COBLL1: variants seen among roughly 807,000 people sequenced by gnomAD.
The protein encoded by COBLL1 is cordon-bleu WH2 repeat protein like 1.
Under a neutral mutation model 94.8 loss-of-function variants are expected in COBLL1, and 50 were observed. That is an observed-to-expected ratio of 0.53 (90% CI 0.42 to 0.67). The LOEUF is 0.67. Among genes scored for constraint, COBLL1 ranks in the 30% least tolerant of loss-of-function variants. The pLI is 0.00. For synonymous variants in COBLL1, 448 were observed against 473.8 expected (o/e 0.95, Z 0.71); for missense variants, 1,362 against 1,348.7 (o/e 1.01, Z -0.15).
In COBLL1 at chr2:164,667,727, G is replaced by C. The variant is rs143637342; in HGVS notation, n.127-1826C>G. On this transcript the variant is annotated intron_variant and non_coding_transcript_variant, in intron 1 of 2. Transcript: ENST00000495084. The stretch of plus-strand genomic sequence containing the variant: ...CAGCCTTCATAGAATTGACGAGAGA[G>C]TTAGGATGTTGCTCTGGATTAGGTT... Among the ~76,000 whole-genome samples the C allele has an allele frequency of 8.5e-5, 13 of 152,318 alleles. No homozygotes were observed. The East Asian group carries it at 2.5e-3, about 29-fold the overall frequency.
intron 3 of COBLL1, among the ~76,000 whole-genome samples, chr2:164,738,603 C>G (rs1558968951): frequency 6.6e-6 from 1 of 152,196 alleles, no homozygotes; most frequent in Non-Finnish European, 1.5e-5. Flanking sequence ...AGGCAAGGAA[C>G]TGCTTTGACT....
chr2:164,736,981 A>C (rs1308828627), intron 3 of COBLL1, among the ~76,000 whole-genome samples: 2 of 152,118 alleles, frequency 1.3e-5, no homozygotes. Flanking sequence ...TAACTATTGC[A>C]CTTGTAATCA....
downstream of COBLL1, among the ~76,000 whole-genome samples, chr2:164,676,680 T>C (rs991548725): frequency 2.0e-5 from 3 of 151,302 alleles, no homozygotes; most frequent in Non-Finnish European, 3.0e-5. Context: ...AACTCTGCTT[T>C]TTTTTTTTCC....
In COBLL1 at chr2:164,682,737, T is replaced by G. The variant is rs1401048512; in HGVS notation, c.*3209A>C. The stretch of plus-strand genomic sequence containing the variant: ...TAAGGTTCATTTTTATTCATATTAA[T>G]TCATTTTTCAGAAGAGAAAATGAAG... On this transcript the variant is annotated 3_prime_UTR_variant, in exon 14 of 14. Coordinates refer to ENST00000652658, the MANE Select transcript of COBLL1 (RefSeq NM_001365672.2). The G allele has an allele frequency of 6.6e-6, 1 of 152,156 alleles. No individual in the cohort carries two copies. The highest frequency in any genetic ancestry group is 2.4e-5 in the African/African-American group (1 of 41,448). The allele number at this position is 152,156 out of a possible 1,614,324, so 9.4% of individuals were successfully genotyped here.
At chr2:164,828,722 G>A (rs1470244060) in intron 2 of COBLL1, among the ~76,000 whole-genome samples, 1 of 152,076 alleles carries the variant, frequency 6.6e-6, no homozygotes, top group Non-Finnish European at 1.5e-5. Context: ...CATTTTAACG[G>A]AATTAATTTA....
At chr2:164,758,217 A>C (rs1687503539) in intron 2 of COBLL1, among the ~76,000 whole-genome samples, 1 of 151,978 alleles carries the variant, frequency 6.6e-6, no homozygotes. Flanking sequence ...AGATACCAAT[A>C]ACTTAAAAAT....
chr2:164,821,472 T>A (rs1160847638), intron 2 of COBLL1, among the ~76,000 whole-genome samples: 1 of 152,212 alleles, frequency 6.6e-6, no homozygotes, highest in East Asian at 1.9e-4. Context: ...GTGGAAATTA[T>A]GTGATTACTG....
intron 3 of COBLL1, among the ~76,000 whole-genome samples, chr2:164,734,648 T>C (rs1208274113): frequency 2.6e-5 from 4 of 151,992 alleles, no homozygotes; most frequent in African/African-American, 9.7e-5. Flanking sequence ...CTAGATACAT[T>C]TTGTAGGGAG....
chr2:164,662,134 A>G (rs1357846389), intron 2 of COBLL1, among the ~76,000 whole-genome samples: 1 of 152,220 alleles, frequency 6.6e-6, no homozygotes, highest in Non-Finnish European at 1.5e-5. Context: ...GAAAAGTTAG[A>G]TGGAGCCAGA....
chr2:164,772,775 TACCAGACATCTA>T (rs1559000455), intron 2 of COBLL1, among the ~76,000 whole-genome samples: 7 of 152,130 alleles, frequency 4.6e-5, no homozygotes, highest in African/African-American at 1.7e-4. Flanking sequence ...TATTACATAA[TACCAGACATCTA>T]TTTAAGGGAT....
rs1447563276 is a variant in COBLL1 at position 164,729,995 on chromosome 2, T to C, written c.351A>G (p.Pro117=). ...QNHIKFKPNT[P]IGMLEVEKVI... The stretch of plus-strand genomic sequence containing the variant: ...CCTTCTCTACCTCCAACATTCCTAT[T>C]GGTGTGTTTGGCTTAAATTTAATGT... Residue 117 remains proline, a synonymous_variant, in exon 4 of 14, where the codon CCA becomes CCG. Coordinates refer to ENST00000652658, the MANE Select transcript of COBLL1 (RefSeq NM_001365672.2). 1 of 1,614,068 alleles carries C rather than the reference T, an allele frequency of 6.2e-7. No individual in the cohort carries two copies. Among genetic ancestry groups the C allele is most frequent in the Admixed American group, 1.7e-5 (1 of 60,024 alleles).
At chr2:164,837,326 A>G (rs1683361856) in intron 2 of COBLL1, 1 of 316,580 alleles carries the variant, frequency 3.2e-6, no homozygotes, top group Admixed American at 4.6e-5. Flanking sequence ...GTCAGCAATC[A>G]TGTTGCTTTT....
At chr2:164,820,958 T>G (rs1848546) in intron 2 of COBLL1, among the ~76,000 whole-genome samples, 76,485 of 152,000 alleles carry the variant, frequency 0.5, 20,537 homozygotes, top group African/African-American at 0.68. Flanking sequence ...CGTGATCTTG[T>G]CTCAATGCAA....
At chr2:164,760,478 T>C (rs1284653703) in intron 2 of COBLL1, among the ~76,000 whole-genome samples, 2 of 151,844 alleles carry the variant, frequency 1.3e-5, no homozygotes, top group Non-Finnish European at 2.9e-5. Context: ...TGCAGTTACA[T>C]AAATCTACAC....
Position 164,692,301 on chromosome 2 carries a change from G to A in COBLL1, c.3220C>T (p.Gln1074Ter). Residue 1074 changes from glutamine to a stop codon, truncating the protein, a stop_gained, in exon 13 of 14, where the codon CAA becomes TAA. Coordinates refer to ENST00000652658, the MANE Select transcript of COBLL1 (RefSeq NM_001365672.2). LOFTEE classifies it high-confidence loss of function. ...CGCATCTGTTCTGGGTCAGAGCTTTGGAATGTTAAAGAACTTTGTCTCATA... is the reference window on the plus strand; with the variant it reads ...CGCATCTGTTCTGGGTCAGAGCTTTAGAATGTTAAAGAACTTTGTCTCATA... ...TVMRQSSLTF[Q>*]SSDPEQMRQS... 1 of 1,613,538 alleles carries A rather than the reference G, an allele frequency of 6.2e-7. No individual in the cohort carries two copies. Among genetic ancestry groups the A allele is most frequent in the Non-Finnish European group, 8.5e-7 (1 of 1,179,658 alleles).
chr2:164,830,441 C>A (rs760652392), intron 2 of COBLL1, among the ~76,000 whole-genome samples: 3 of 152,140 alleles, frequency 2.0e-5, no homozygotes, highest in African/African-American at 4.8e-5. Flanking sequence ...ACATGCATAA[C>A]CTTAGTGTAC....
chr2:164,769,392 C>A (rs1312758180), intron 2 of COBLL1, among the ~76,000 whole-genome samples: 1 of 152,178 alleles, frequency 6.6e-6, no homozygotes, highest in African/African-American at 2.4e-5. Context: ...TCATTTTCTT[C>A]TTCCCATCTA....
chr2:164,707,847 T>G (rs561333236), intron 7 of COBLL1, among the ~76,000 whole-genome samples: 29 of 152,270 alleles, frequency 1.9e-4, no homozygotes, highest in African/African-American at 6.7e-4. Flanking sequence ...TCATAAGATA[T>G]TTTTCAGTCT....
chr2:164,809,065 T>A (rs1445756123), intron 2 of COBLL1, among the ~76,000 whole-genome samples: 2 of 152,134 alleles, frequency 1.3e-5, no homozygotes, highest in Non-Finnish European at 2.9e-5. Context: ...ATGAAGTAGC[T>A]GAAATATTCC....
Sources: gnomAD v4.1 joint callset for allele counts (sites outside exome capture counted in the v4.1 genomes callset) on GRCh38, gnomAD v4.1.1 for gene constraint, MANE v1.5 for transcripts, NCBI Gene and HGNC (gene_info 2026-07-23, HGNC 2026-07-21) for gene names.